The following LAMP5 variants were observed in gnomAD, a reference collection of about 807,000 sequenced individuals.
LAMP5 encodes lysosome-associated membrane glycoprotein 5.
In LAMP5, 36 loss-of-function variants were observed where a neutral mutation model predicts 30.2. The observed-to-expected ratio is 1.19, with a 90% confidence interval of 0.91 to 1.57. The LOEUF is 1.57. Among genes scored for constraint, LAMP5 ranks in the 40% most tolerant of loss-of-function variants. The pLI is 0.00. For missense variants in LAMP5, 377 were observed against 354.9 expected (o/e 1.06, Z -0.50); for synonymous variants, 149 against 134.6 (o/e 1.11, Z -0.74).
chr20:9,529,606 A>G, intron 5 of LAMP5, 36 bp from the exon 6 acceptor site: 1 of 1,596,580 alleles, frequency 6.3e-7, no homozygotes, highest in Non-Finnish European at 8.6e-7. Flanking sequence ...GGATGTTTTG[A>G]CCAGAGCTCT....
chr20:9,518,296 C>G, intron 5 of LAMP5, 68 bp downstream of exon 5: 1 of 1,360,632 alleles, frequency 7.3e-7, no homozygotes, highest in Non-Finnish European at 1.0e-6. Flanking sequence ...GAGGGACCTA[C>G]CAGGGCCCCA....
At chr20:9,519,825 A>C (rs2045067781) in intron 5 of LAMP5, among the ~76,000 whole-genome samples, 1 of 152,156 alleles carries the variant, frequency 6.6e-6, no homozygotes, top group African/African-American at 2.4e-5. Flanking sequence ...GCGCTTCTTT[A>C]CTTCTTGTTA....
Position 9,530,012 on chromosome 20 carries a change from G to C in LAMP5, c.*192G>C. ...GGGGGAGACTCTTTCGGATTTGTAG[G>C]GTGAAATGGCAATTATTCTCTCCAT... On this transcript the variant is annotated 3_prime_UTR_variant, in exon 6 of 6. Transcript: ENST00000246070. 1 of 513,108 alleles carries C rather than the reference G, an allele frequency of 1.9e-6. No individual in the cohort carries two copies. The highest frequency in any genetic ancestry group is 3.4e-6 in the Non-Finnish European group (1 of 293,668). The allele number at this position is 513,108 out of a possible 1,614,324, so 31.8% of individuals were successfully genotyped here.
rs754924313 is a variant in LAMP5, at chr20:9,515,508, C to A, written c.120C>A (p.Ser40=). ...EQEVENLSGL[S]TNPEKDIFVV... ...AAGTGGAAAATCTCTCAGGCCTTTC[C>A]ACTAACCCTGAAAAAGATATATTTG... The change falls in exon 2 of 6, where the codon TCC becomes TCA. Residue 40 remains serine (S), a synonymous_variant. Transcript: ENST00000246070. 3 of 1,614,154 alleles carry A rather than the reference C, an allele frequency of 1.9e-6. No individual in the cohort carries two copies. The East Asian group carries it at 6.7e-5, about 36-fold the overall frequency.
At chr20:9,527,820 C>A (rs1407476356) in intron 5 of LAMP5, among the ~76,000 whole-genome samples, 1 of 152,096 alleles carries the variant, frequency 6.6e-6, no homozygotes, top group Non-Finnish European at 1.5e-5. Context: ...AAAATGGAGA[C>A]TCAGCACTAT....
rs747396582 is a variant in LAMP5 at position 9,529,691 on chromosome 20, C to T, written c.714C>T (p.Pro238=). The T allele has an allele frequency of 1.2e-6, 2 of 1,614,196 alleles. No homozygotes were observed. The highest frequency in any genetic ancestry group is 1.7e-5 in the Admixed American group (1 of 60,030). The part of the protein sequence containing the change: ...DEREQLEETL[P]LILGLILGLV... ...GGGAGCAACTGGAAGAAACCTTGCC[C>T]CTGATTTTGGGGCTCATCTTGGGCC... The change falls in exon 6 of 6, where the codon CCC becomes CCT. Residue 238 remains proline (P), a synonymous_variant. Coordinates refer to ENST00000246070, the MANE Select transcript of LAMP5 (RefSeq NM_012261.4).
intron 5 of LAMP5, among the ~76,000 whole-genome samples, chr20:9,526,257 T>TTAA (rs2045111604): frequency 1.3e-5 from 2 of 152,248 alleles, no homozygotes; most frequent in South Asian, 4.1e-4. Flanking sequence ...GTATTTCTTC[T>TTAA]TAATATTTTA....
intron 5 of LAMP5, among the ~76,000 whole-genome samples, chr20:9,525,749 C>G (rs1347259580): frequency 6.6e-6 from 1 of 152,204 alleles, no homozygotes; most frequent in African/African-American, 2.4e-5. Context: ...TCCAACCTCC[C>G]TTCCTCCTGA....
chr20:9,520,449 G>C (rs2045071728), intron 5 of LAMP5, among the ~76,000 whole-genome samples: 1 of 152,138 alleles, frequency 6.6e-6, no homozygotes, highest in Admixed American at 6.5e-5. Context: ...ATCTATCACT[G>C]GGCCTTTATC....
At chr20:9,525,709 G>A (rs886410061) in intron 5 of LAMP5, among the ~76,000 whole-genome samples, 2 of 152,176 alleles carry the variant, frequency 1.3e-5, no homozygotes, top group African/African-American at 2.4e-5. Context: ...GTCGTTTGGT[G>A]CCCCATCCCC....
intron 5 of LAMP5, among the ~76,000 whole-genome samples, chr20:9,522,774 A>G (rs931382544): frequency 2.6e-5 from 4 of 152,092 alleles, no homozygotes; most frequent in Non-Finnish European, 5.9e-5. Flanking sequence ...GATATATGGG[A>G]CTGGTGAATG....
At chr20:9,522,610 C>G (rs891703254) in intron 5 of LAMP5, among the ~76,000 whole-genome samples, 4 of 152,230 alleles carry the variant, frequency 2.6e-5, no homozygotes, top group Admixed American at 2.0e-4. Context: ...GGATACTGTC[C>G]TCTGGAGAGA....
At chr20:9,527,768 T>C (rs948513973) in intron 5 of LAMP5, among the ~76,000 whole-genome samples, 1 of 152,170 alleles carries the variant, frequency 6.6e-6, no homozygotes, top group Non-Finnish European at 1.5e-5. Flanking sequence ...CACTAGAAGT[T>C]CTCCCAAGAA....
intron 5 of LAMP5, among the ~76,000 whole-genome samples, chr20:9,520,183 C>G (rs1337183434): frequency 1.3e-5 from 2 of 152,180 alleles, no homozygotes; most frequent in African/African-American, 2.4e-5. Context: ...TTGTCTCACC[C>G]CAGGCTTTTA....
chr20:9,514,977 G>T, intron 1 of LAMP5, 61 bp downstream of exon 1: 4 of 1,429,580 alleles, frequency 2.8e-6, no homozygotes, highest in Non-Finnish European at 3.9e-6. Context: ...AACAGAGCCG[G>T]CAAAGTAAAG....
chr20:9,525,542 T>A (rs558696092), intron 5 of LAMP5, among the ~76,000 whole-genome samples: 1 of 152,222 alleles, frequency 6.6e-6, no homozygotes, highest in Non-Finnish European at 1.5e-5. Context: ...CCATTACATC[T>A]ACTCCCTCTT....
chr20:9,520,975 G>A (rs2045076196), intron 5 of LAMP5, among the ~76,000 whole-genome samples: 2 of 152,098 alleles, frequency 1.3e-5, no homozygotes, highest in Non-Finnish European at 2.9e-5. Context: ...ACTTAGGTCT[G>A]GGAGTGGGCC....
intron 4 of LAMP5, 66 bp downstream of exon 4, chr20:9,516,427 AT>A (rs898527251): frequency 1.4e-5 from 19 of 1,334,882 alleles, no homozygotes; most frequent in Non-Finnish European, 1.8e-5. Flanking sequence ...TGGAGAGAGA[AT>A]TCCTCAAGGT....
chr20:9,518,096 A>G lies in LAMP5; in HGVS notation c.532A>G (p.Lys178Glu), dbSNP rs771059272. 1 of 1,614,008 alleles carries G rather than the reference A, an allele frequency of 6.2e-7. No homozygotes were observed. Among genetic ancestry groups the G allele is most frequent in the African/African-American group, 1.3e-5 (1 of 74,910 alleles). ...HLSALVTPAG[K>E]SYECQAQQTI... ...CTCTGCCTTGGTCACCCCCGCTGGG[A>G]AGTCCTATGAGTGTCAAGCTCAACA... Residue 178 changes from lysine (K) to glutamate (E), a missense_variant, in exon 5 of 6, where the codon AAG (lysine) becomes GAG (glutamate). Lys to Glu is a moderately conservative substitution (Grantham distance 56). Transcript: ENST00000246070.
Sources: allele counts gnomAD v4.1 joint callset (sites outside exome capture counted in the v4.1 genomes callset), GRCh38; gene constraint gnomAD v4.1.1; transcripts MANE v1.5; gene names NCBI Gene and HGNC (gene_info 2026-07-23, HGNC 2026-07-21).